The following OSBPL8 variants were observed in gnomAD, a reference collection of about 807,000 sequenced individuals.
The protein encoded by OSBPL8 is oxysterol-binding protein-related protein 8.
In OSBPL8, 59 loss-of-function variants were observed where a neutral mutation model predicts 125.5. That is an observed-to-expected ratio of 0.47 (90% CI 0.38 to 0.58). OSBPL8 has a LOEUF of 0.58. Among genes scored for constraint, OSBPL8 ranks in the 20% least tolerant of loss-of-function variants. The probability of loss-of-function intolerance (pLI) is 0.00; values close to 1 mark genes in which losing one functional copy is unlikely to be tolerated. For missense variants in OSBPL8, 758 were observed against 1,047.8 expected, an observed-to-expected ratio of 0.72 and a Z score of 3.82; for synonymous variants, 330 against 338.9, an observed-to-expected ratio of 0.97 and a Z score of 0.29.
In OSBPL8 at chr12:76,375,356, T is replaced by C. The variant is rs1285503345; in HGVS notation, c.1744A>G (p.Thr582Ala). 6.2e-7 allele frequency: 1 copy of C among 1,611,234 alleles called. No homozygotes were observed. Among genetic ancestry groups the C allele is most frequent in the Non-Finnish European group, 8.5e-7 (1 of 1,178,380 alleles). The stretch of plus-strand genomic sequence containing the variant: ...GTTCCACCAAGCTCCAGTGTCATTG[T>C]ACCATAAAGAATTCCTAAAGGAAAA... ...YAHCKGILYG[T>A]MTLELGGTVN... Residue 582 changes from threonine to alanine, a missense_variant, in exon 17 of 24, where the codon ACA becomes GCA. Around this residue, in one of 3 missense-constraint regions of OSBPL8, gnomAD observed 572 missense variants for 762.0 expected, o/e 0.75. Transcript: ENST00000261183.
chr12:76,404,312 T>C (rs894737211), intron 5 of OSBPL8, among the ~76,000 whole-genome samples: 1 of 152,172 alleles, frequency 6.6e-6, no homozygotes, highest in Non-Finnish European at 1.5e-5. Context: ...CACAACTTAA[T>C]AGGACAATGT....
At chr12:76,535,093 T>C (rs1366440988) in intron 1 of OSBPL8, among the ~76,000 whole-genome samples, 1 of 151,878 alleles carries the variant, frequency 6.6e-6, no homozygotes, top group African/African-American at 2.4e-5. Flanking sequence ...TCTTAAGATA[T>C]GCAAAAAATA....
intron 12 of OSBPL8, among the ~76,000 whole-genome samples, chr12:76,389,357 A>T (rs1953459763): frequency 6.6e-6 from 1 of 152,210 alleles, no homozygotes; most frequent in Non-Finnish European, 1.5e-5. Context: ...CTGTTAGGTT[A>T]GTGAACTGAG....
chr12:76,459,096 G>A (rs998818225), intron 3 of OSBPL8, among the ~76,000 whole-genome samples: 8 of 152,180 alleles, frequency 5.3e-5, no homozygotes, highest in Non-Finnish European at 1.2e-4. Flanking sequence ...CACTGGACTA[G>A]TAACCAATTC....
intron 2 of OSBPL8, among the ~76,000 whole-genome samples, chr12:76,473,243 T>A (rs939396899): frequency 1.3e-5 from 2 of 152,168 alleles, no homozygotes; most frequent in Non-Finnish European, 2.9e-5. Flanking sequence ...AACTAATGAT[T>A]AATGATATTC....
At chr12:76,522,745 C>A (rs998384588) in intron 1 of OSBPL8, among the ~76,000 whole-genome samples, 27 of 152,256 alleles carry the variant, frequency 1.8e-4, no homozygotes, top group African/African-American at 6.5e-4. Flanking sequence ...ATAAATCACC[C>A]AGCCTCAAGC....
At position 76,364,587 on chromosome 12, in the gene OSBPL8, C is replaced by T. The variant is rs140377407; in HGVS notation, c.2328+4627G>A. On this transcript the variant is annotated intron_variant, in intron 21 of 23. Coordinates refer to ENST00000261183, the MANE Select transcript of OSBPL8 (RefSeq NM_020841.5). ...ATGGGTGCAGCAAACCACCATGGCA[C>T]GTGTCTACCTATGTAACAAACCTGC... Among the ~76,000 whole-genome samples, 73 of 152,200 alleles carry T rather than the reference C, an allele frequency of 4.8e-4. No homozygotes were observed. The East Asian group carries it at 0.011, about 23-fold the overall frequency.
chr12:76,513,805 A>AT (rs950070841), intron 1 of OSBPL8, among the ~76,000 whole-genome samples: 11 of 61,544 alleles, frequency 1.8e-4, no homozygotes, highest in Non-Finnish European at 2.9e-4. Context: ...CCATCCCTTT[A>AT]TTTTGAGCCT....
intron 1 of OSBPL8, among the ~76,000 whole-genome samples, chr12:76,517,957 T>C (rs1881714445): frequency 1.3e-5 from 2 of 152,302 alleles, no homozygotes; most frequent in Middle Eastern, 3.4e-3. Flanking sequence ...CATTTCAACA[T>C]GAGATGTGGA....
intron 4 of OSBPL8, among the ~76,000 whole-genome samples, chr12:76,413,970 T>C (rs61925477): frequency 0.18 from 27,160 of 152,108 alleles, 3,017 homozygotes; most frequent in Non-Finnish European, 0.27. Context: ...CTTTAAAGGT[T>C]AATGCTTTGG....
chr12:76,461,553 C>T (rs1479876661), intron 2 of OSBPL8, among the ~76,000 whole-genome samples: 6 of 152,150 alleles, frequency 3.9e-5, no homozygotes, highest in African/African-American at 9.6e-5. Context: ...CGGGTTCAAG[C>T]GATTCTTCTG....
intron 4 of OSBPL8, among the ~76,000 whole-genome samples, chr12:76,450,183 A>C (rs11832174): frequency 0.2 from 31,034 of 152,150 alleles, 3,411 homozygotes; most frequent in Non-Finnish European, 0.26. Context: ...TCTGGTTGTC[A>C]CAACTGGGGT....
intron 4 of OSBPL8, among the ~76,000 whole-genome samples, chr12:76,420,231 GC>G (rs1387912680): frequency 6.6e-6 from 1 of 151,904 alleles, no homozygotes; most frequent in Non-Finnish European, 1.5e-5. Flanking sequence ...ATTGAATACA[GC>G]CAAGAGCCAA....
chr12:76,530,138 CA>C (rs1950295358), intron 1 of OSBPL8, among the ~76,000 whole-genome samples: 1 of 151,190 alleles, frequency 6.6e-6, no homozygotes, highest in Non-Finnish European at 1.5e-5. Context: ...ACTATAATCT[CA>C]AACTATTGGA....
At chr12:76,532,483 A>G (rs947991342) in intron 1 of OSBPL8, among the ~76,000 whole-genome samples, 11 of 152,208 alleles carry the variant, frequency 7.2e-5, no homozygotes, top group Non-Finnish European at 1.3e-4. Flanking sequence ...GCAAATCTAT[A>G]AAGGCTGAAA....
intron 16 of OSBPL8, among the ~76,000 whole-genome samples, chr12:76,376,762 T>C (rs925292197): frequency 5.3e-5 from 8 of 152,262 alleles, no homozygotes; most frequent in African/African-American, 1.9e-4. Flanking sequence ...TGGGTTGGCC[T>C]TCGATAAGAT....
At chr12:76,432,255 A>G (rs1192334790) in intron 4 of OSBPL8, among the ~76,000 whole-genome samples, 1 of 152,166 alleles carries the variant, frequency 6.6e-6, no homozygotes, top group East Asian at 1.9e-4. Context: ...GAGCAGTACA[A>G]AAAGAGAAGT....
intron 1 of OSBPL8, among the ~76,000 whole-genome samples, chr12:76,541,303 C>T (rs753436581): frequency 6.6e-6 from 1 of 151,692 alleles, no homozygotes; most frequent in Non-Finnish European, 1.5e-5. Context: ...ATACTGTGAA[C>T]CCCATCTCCA....
At chr12:76,496,740 C>T (rs1414069842) in intron 1 of OSBPL8, among the ~76,000 whole-genome samples, 1 of 152,086 alleles carries the variant, frequency 6.6e-6, no homozygotes, top group Non-Finnish European at 1.5e-5. Flanking sequence ...TGGGGTTTCA[C>T]CATGTTGGCC....
Sources: gnomAD v4.1 joint callset for allele counts (sites outside exome capture counted in the v4.1 genomes callset) on GRCh38, gnomAD v4.1.1 for gene constraint, gnomAD v4.1.1 regional missense constraint, MANE v1.5 for transcripts, NCBI Gene and HGNC (gene_info 2026-07-23, HGNC 2026-07-21) for gene names.